The following XKR6 variants were observed in gnomAD, a reference collection of about 807,000 sequenced individuals.
XKR6 encodes the protein XK related 6.
XKR6 carries 22 observed loss-of-function variants against 56.7 expected under a neutral mutation model. The observed-to-expected ratio is 0.39, with a 90% confidence interval of 0.28 to 0.55. The LOEUF (loss-of-function observed/expected upper bound fraction) is 0.55, where lower values mean the gene tolerates loss of function less well. XKR6 is among the 20% of genes least tolerant of loss of function. The pLI is 0.66. For missense variants in XKR6, 852 were observed against 889.0 expected, an observed-to-expected ratio of 0.96 and a Z score of 0.53; for synonymous variants, 524 against 387.8, an observed-to-expected ratio of 1.35 and a Z score of -4.13.
chr8:10,950,363 A>G (rs73196846), intron 1 of XKR6, among the ~76,000 whole-genome samples: 24,090 of 152,262 alleles, frequency 0.16, 2,161 homozygotes, highest in Middle Eastern at 0.25. Context: ...CTTTGTAGAC[A>G]CTGCTAGAAG....
rs1468193770 is a variant in XKR6 at position 10,912,161 on chromosome 8, G to GTA, written c.961+12471_961+12472dup. On this transcript the variant is annotated intron_variant, in intron 2 of 2. Transcript: ENST00000416569. ...AGGTGTATATATAGAGAGAGTATAT[G>GTA]TATATATATAGAGGGTATGTGTATA... is the stretch of plus-strand genomic sequence containing the variant. 4.7e-4 allele frequency among the ~76,000 whole-genome samples: 69 copies of GTA among 147,076 alleles called. 1 individual carries two copies. In the East Asian group the frequency reaches 0.014, roughly 29 times the overall value.
At chr8:11,009,760 C>G (rs921106484) in intron 1 of XKR6, among the ~76,000 whole-genome samples, 1 of 152,130 alleles carries the variant, frequency 6.6e-6, no homozygotes, top group Non-Finnish European at 1.5e-5. Flanking sequence ...TCAGGGAAAA[C>G]TAAGGAAATC....
intron 1 of XKR6, among the ~76,000 whole-genome samples, chr8:11,028,690 A>G (rs1461108457): frequency 6.6e-6 from 1 of 152,148 alleles, no homozygotes; most frequent in Non-Finnish European, 1.5e-5. Context: ...TGGTGGATGT[A>G]CCTTTGCCGC....
chr8:11,163,767 T>G (rs1225361018), intron 1 of XKR6, among the ~76,000 whole-genome samples: 1 of 152,204 alleles, frequency 6.6e-6, no homozygotes, highest in African/African-American at 2.4e-5. Context: ...AATGTATCAT[T>G]GTTATCACAT....
At chr8:11,152,607 C>G (rs756051708) in intron 1 of XKR6, among the ~76,000 whole-genome samples, 1 of 152,114 alleles carries the variant, frequency 6.6e-6, no homozygotes, top group African/African-American at 2.4e-5. Context: ...AAATTTTGAA[C>G]AAAGATTCTC....
chr8:11,079,442 C>G (rs1247786230), intron 1 of XKR6, among the ~76,000 whole-genome samples: 1 of 152,192 alleles, frequency 6.6e-6, no homozygotes, highest in Admixed American at 6.5e-5. Context: ...TGACTATTAT[C>G]CCATTTTTGT....
Position 10,929,064 on chromosome 8 carries a change from C to A in XKR6, c.765-4234G>T, listed in dbSNP as rs1035195967. On this transcript the variant is annotated intron_variant, in intron 1 of 2. Coordinates refer to ENST00000416569, the MANE Select transcript of XKR6 (RefSeq NM_173683.4). Reference sequence around the variant, plus strand: ...AGCAAGTCACCTCCCATGGCTGGGCCCCGCTATTCCCATCACAGGAGGGGC... The same window carrying A: ...AGCAAGTCACCTCCCATGGCTGGGCACCGCTATTCCCATCACAGGAGGGGC... 7.9e-4 allele frequency among the ~76,000 whole-genome samples: 120 copies of A among 152,292 alleles called. 1 individual carries two copies. The highest frequency in any genetic ancestry group is 2.6e-3 in the African/African-American group (106 of 41,560).
At chr8:10,989,156 T>A (rs568177789) in intron 1 of XKR6, among the ~76,000 whole-genome samples, 2 of 152,192 alleles carry the variant, frequency 1.3e-5, no homozygotes, top group African/African-American at 4.8e-5. Flanking sequence ...AGGAGCTGGG[T>A]GATGCCTCAC....
At chr8:11,165,942 T>C (rs1586640317) in intron 1 of XKR6, among the ~76,000 whole-genome samples, 2 of 151,016 alleles carry the variant, frequency 1.3e-5, no homozygotes, top group African/African-American at 4.9e-5. Context: ...TGTATATATA[T>C]ATATATAGTT....
At chr8:11,075,615 T>C (rs1178648230) in intron 1 of XKR6, among the ~76,000 whole-genome samples, 1 of 152,190 alleles carries the variant, frequency 6.6e-6, no homozygotes, top group Non-Finnish European at 1.5e-5. Context: ...CCAGGCTCGG[T>C]AGCTCACATC....
chr8:10,930,251 GA>G (rs1481276771), intron 1 of XKR6, among the ~76,000 whole-genome samples: 15 of 152,304 alleles, frequency 9.8e-5, no homozygotes, highest in Admixed American at 9.2e-4. Context: ...AAACAGCACT[GA>G]AATCTCTGAT....
At chr8:10,990,869 C>A (rs1226287899) in intron 1 of XKR6, among the ~76,000 whole-genome samples, 1 of 149,574 alleles carries the variant, frequency 6.7e-6, no homozygotes, top group East Asian at 2.0e-4. Flanking sequence ...AGGTGTTCAT[C>A]ACCATGCCCG....
chr8:10,991,213 T>C (rs1252660813), intron 1 of XKR6, among the ~76,000 whole-genome samples: 1 of 152,128 alleles, frequency 6.6e-6, no homozygotes, highest in Non-Finnish European at 1.5e-5. Context: ...AATGTCTTAC[T>C]GTTTTTTTCA....
chr8:11,091,436 C>CAAATAAATAAATAAAT (rs141357916), intron 1 of XKR6, among the ~76,000 whole-genome samples: 12,443 of 142,268 alleles, frequency 0.087, 563 homozygotes, highest in South Asian at 0.15. Flanking sequence ...GACCCTGACT[C>CAAATAAATAAATAAAT]AAATAAATAA....
At chr8:11,171,019 T>C (rs1335846401) in intron 1 of XKR6, among the ~76,000 whole-genome samples, 1 of 152,252 alleles carries the variant, frequency 6.6e-6, no homozygotes, top group Non-Finnish European at 1.5e-5. Context: ...TTCTTGACTC[T>C]TCCTAGTTTA....
chr8:10,963,156 G>C (rs1802115683), intron 1 of XKR6, among the ~76,000 whole-genome samples: 1 of 152,196 alleles, frequency 6.6e-6, no homozygotes, highest in Non-Finnish European at 1.5e-5. Context: ...CCACAGTCTT[G>C]ACACAGGCCC....
chr8:11,197,152 A>G (rs1803933534), intron 1 of XKR6, among the ~76,000 whole-genome samples: 1 of 152,218 alleles, frequency 6.6e-6, no homozygotes, highest in Non-Finnish European at 1.5e-5. Flanking sequence ...AGAACCACTG[A>G]CGATCCTCTT....
intron 1 of XKR6, among the ~76,000 whole-genome samples, chr8:10,976,081 C>A (rs1802548665): frequency 6.6e-6 from 1 of 151,976 alleles, no homozygotes; most frequent in Admixed American, 6.6e-5. Context: ...GAGGCTGAGG[C>A]AGGAGAATGG....
Position 11,178,555 on chromosome 8 carries a change from T to TATATATAC in XKR6, c.764+22020_764+22021insGTATATAT, listed in dbSNP as rs1257366064. On this transcript the variant is annotated intron_variant, in intron 1 of 2. Transcript: ENST00000416569. Reference sequence around the variant, plus strand: ...AACATCTGAGAGGTAAAAATATATATATATATATATATATATATGTATATA... The same window carrying TATATATAC: ...AACATCTGAGAGGTAAAAATATATATATATATACATATATATATATATATATGTATATA... 5.7e-3 allele frequency among the ~76,000 whole-genome samples: 801 copies of TATATATAC among 141,362 alleles called. 10 individuals are homozygous for TATATATAC. Among genetic ancestry groups the TATATATAC allele is most frequent in the African/African-American group, 0.02 (749 of 38,340 alleles). 92.7% of individuals were successfully genotyped at this position (141,362 alleles called of 152,430 possible).
Sources: gnomAD v4.1 joint callset for allele counts (sites outside exome capture counted in the v4.1 genomes callset) on GRCh38, gnomAD v4.1.1 for gene constraint, MANE v1.5 for transcripts, NCBI Gene and HGNC (gene_info 2026-07-23, HGNC 2026-07-21) for gene names.